ACACB: variants seen among roughly 807,000 people sequenced by gnomAD.
ACACB encodes the protein acetyl-CoA carboxylase 2.
Under a neutral mutation model 278.8 loss-of-function variants are expected in ACACB, and 209 were observed. The observed-to-expected ratio is 0.75, with a 90% CI of 0.67 to 0.84. The LOEUF is 0.84. Among genes scored for constraint, ACACB ranks in the 40% least tolerant of loss-of-function variants. The probability of loss-of-function intolerance (pLI) is 0.00; values close to 1 mark genes in which losing one functional copy is unlikely to be tolerated. For missense variants in ACACB, 2,850 were observed against 3,269.0 expected (o/e 0.87, Z 3.13); for synonymous variants, 1,174 against 1,285.6 (o/e 0.91, Z 1.86).
intron 24 of ACACB, among the ~76,000 whole-genome samples, chr12:109,218,502 G>A (rs1306870533): frequency 2.6e-5 from 4 of 151,494 alleles, no homozygotes; most frequent in Non-Finnish European, 4.4e-5. Context: ...GGGATTACAG[G>A]CATAAGCCAC....
intron 2 of ACACB, among the ~76,000 whole-genome samples, chr12:109,159,305 C>T (rs1264073373): frequency 6.6e-6 from 1 of 152,098 alleles, no homozygotes; most frequent in Admixed American, 6.5e-5. Flanking sequence ...CTTAGCAGTG[C>T]GGGTAGCCGT....
At chr12:109,248,069 C>G (rs760233303) in intron 40 of ACACB, among the ~76,000 whole-genome samples, 1 of 152,170 alleles carries the variant, frequency 6.6e-6, no homozygotes, top group African/African-American at 2.4e-5. Flanking sequence ...TCTTCGAGAG[C>G]ATTCAAAGGC....
chr12:109,116,318 C>G (rs1293824744), upstream of ACACB, among the ~76,000 whole-genome samples: 1 of 152,114 alleles, frequency 6.6e-6, no homozygotes. Flanking sequence ...ACAGGAGGGC[C>G]CAGATGACTT....
At chr12:109,251,984 C>T (rs1565974444) in intron 41 of ACACB, 62 bp from the exon 42 acceptor site, 13 of 1,313,504 alleles carry the variant, frequency 9.9e-6, no homozygotes, top group Non-Finnish European at 1.1e-5. Context: ...GGACTCTTCC[C>T]TGCTGTGGGG....
intron 18 of ACACB, among the ~76,000 whole-genome samples, chr12:109,200,031 C>CAAAAA (rs796623006): frequency 5.2e-4 from 32 of 61,474 alleles, no homozygotes; most frequent in African/African-American, 1.5e-3. Context: ...GACTCCGTCT[C>CAAAAA]AAAAAAAAAA....
At chr12:109,249,845 A>G (rs2047046793) in intron 40 of ACACB, 139 bp from the exon 41 acceptor site, 3 of 1,138,000 alleles carry the variant, frequency 2.6e-6, no homozygotes, top group Admixed American at 5.3e-5. Flanking sequence ...TCTAGATGCC[A>G]ATTTCATTTT....
intron 27 of ACACB, 28 bp downstream of exon 27, chr12:109,223,932 A>G (rs2046247789): frequency 6.3e-7 from 1 of 1,587,588 alleles, no homozygotes; most frequent in Non-Finnish European, 8.7e-7. Flanking sequence ...AGAGAACAGC[A>G]CTGACCATGC....
intron 2 of ACACB, among the ~76,000 whole-genome samples, chr12:109,147,255 C>G (rs571074218): frequency 4.0e-5 from 6 of 151,788 alleles, no homozygotes; most frequent in Non-Finnish European, 7.4e-5. Context: ...TGTTTTGACA[C>G]AGTTTCACTC....
intron 3 of ACACB, among the ~76,000 whole-genome samples, chr12:109,167,621 G>GTGTATATATATATATATATATATA (rs1555210640): frequency 9.0e-5 from 7 of 77,520 alleles, no homozygotes; most frequent in South Asian, 5.0e-4. Context: ...ATATGTATGT[G>GTGTATATATATATATATATATATA]TATATATATA....
intron 1 of ACACB, among the ~76,000 whole-genome samples, chr12:109,136,676 T>A (rs886435407): frequency 2.6e-5 from 4 of 152,230 alleles, no homozygotes; most frequent in African/African-American, 9.6e-5. Context: ...ACTATTTTTG[T>A]GTATTTATCT....
At chr12:109,205,724 G>A (rs1008120165) in intron 19 of ACACB, among the ~76,000 whole-genome samples, 2 of 151,926 alleles carry the variant, frequency 1.3e-5, no homozygotes, top group Non-Finnish European at 2.9e-5. Flanking sequence ...AAAGTGCTGG[G>A]ATTATGGTCA....
At chr12:109,143,477 A>T (rs2136042640) in intron 2 of ACACB, among the ~76,000 whole-genome samples, 1 of 141,590 alleles carries the variant, frequency 7.1e-6, no homozygotes, top group African/African-American at 2.5e-5. Flanking sequence ...AAAAAAAAAA[A>T]AAAAAAATGA....
intron 47 of ACACB, chr12:109,259,968 C>A: frequency 1.1e-6 from 1 of 890,402 alleles, no homozygotes; most frequent in Non-Finnish European, 1.6e-6. Context: ...AGAACAGGAC[C>A]AACCTCAGAG....
intron 29 of ACACB, 94 bp from the exon 30 acceptor site, chr12:109,233,653 AG>A (rs1335152100): frequency 2.0e-6 from 2 of 998,766 alleles, no homozygotes; most frequent in Admixed American, 2.0e-5. Context: ...GGAAATTGGG[AG>A]GGTCTGGCGT....
chr12:109,249,086 G>C (rs916257455), intron 40 of ACACB: 3 of 152,194 alleles, frequency 2.0e-5, no homozygotes, highest in African/African-American at 7.2e-5. Context: ...GCCAAGGTTA[G>C]GGACACATCC....
At chr12:109,120,850 T>C (rs1269471609) in intron 1 of ACACB, among the ~76,000 whole-genome samples, 1 of 152,234 alleles carries the variant, frequency 6.6e-6, no homozygotes, top group Non-Finnish European at 1.5e-5. Flanking sequence ...GTGCCTCATC[T>C]TATCATTTTT....
chr12:109,138,402 C>A (rs760781238), intron 1 of ACACB, among the ~76,000 whole-genome samples: 21 of 152,268 alleles, frequency 1.4e-4, no homozygotes, highest in Non-Finnish European at 2.6e-4. Flanking sequence ...GCTTGTTGGG[C>A]TTCTATGCTA....
chr12:109,230,407 A>G (rs895782527), intron 28 of ACACB, among the ~76,000 whole-genome samples: 4 of 109,100 alleles, frequency 3.7e-5, no homozygotes, highest in African/African-American at 1.8e-4. Flanking sequence ...TACTCCTGAG[A>G]AGGACTCTTT....
At chr12:109,204,027 T>TAAA in intron 19 of ACACB, among the ~76,000 whole-genome samples, 1 of 152,236 alleles carries the variant, frequency 6.6e-6, no homozygotes, top group Admixed American at 6.6e-5. Context: ...GTTTTCTTTT[T>TAAA]TAAAAAAATT....
Sources: allele counts gnomAD v4.1 joint callset (sites outside exome capture counted in the v4.1 genomes callset), GRCh38; gene constraint gnomAD v4.1.1; transcripts MANE v1.5; gene names NCBI Gene and HGNC (gene_info 2026-07-23, HGNC 2026-07-21).